LYN: variants seen among roughly 807,000 people sequenced by gnomAD.
The protein encoded by LYN is tyrosine-protein kinase Lyn.
Under a neutral mutation model 65.0 loss-of-function variants are expected in LYN, and 12 were observed. The observed-to-expected ratio is 0.18, with a 90% CI of 0.12 to 0.30. LYN has a LOEUF of 0.30. LYN is among the 10% of genes least tolerant of loss of function. LYN has a pLI of 1.00. For synonymous variants in LYN, 222 were observed against 221.2 expected (o/e 1.00, Z -0.03); for missense variants, 380 against 623.2 (o/e 0.61, Z 4.16).
chr8:55,881,851 C>T (rs1445587679), intron 1 of LYN, among the ~76,000 whole-genome samples: 1 of 152,134 alleles, frequency 6.6e-6, no homozygotes, highest in Non-Finnish European at 1.5e-5. Flanking sequence ...TCTGTCTTGT[C>T]CAAAATGATA....
At chr8:55,976,526 G>C (rs182232448) in intron 10 of LYN, among the ~76,000 whole-genome samples, 146 of 152,218 alleles carry the variant, frequency 9.6e-4, no homozygotes, top group African/African-American at 3.5e-3. Flanking sequence ...CAGGCACTGT[G>C]TCAGGAGGGA....
At chr8:55,966,173 CG>C (rs890584709) in intron 8 of LYN, among the ~76,000 whole-genome samples, 4 of 151,900 alleles carry the variant, frequency 2.6e-5, no homozygotes, top group East Asian at 1.9e-4. Context: ...CCAATAAAAA[CG>C]TTTTTTTGCT....
At chr8:55,923,373 C>T (rs1278649109) in intron 1 of LYN, among the ~76,000 whole-genome samples, 4 of 152,150 alleles carry the variant, frequency 2.6e-5, no homozygotes, top group Non-Finnish European at 4.4e-5. Flanking sequence ...TCAAGCTACA[C>T]CTGCTCTGTC....
chr8:55,897,867 C>T (rs955455705), intron 1 of LYN, among the ~76,000 whole-genome samples: 2 of 151,974 alleles, frequency 1.3e-5, no homozygotes, highest in Non-Finnish European at 2.9e-5. Flanking sequence ...GAGTCGAGAT[C>T]GCGCCACTGT....
intron 12 of LYN, among the ~76,000 whole-genome samples, chr8:56,003,055 G>GTTTTTTTT (rs1158928613): frequency 6.8e-6 from 1 of 147,388 alleles, no homozygotes; most frequent in African/African-American, 2.5e-5. Flanking sequence ...CTATGTTTTT[G>GTTTTTTTT]TTTTTTGTTT....
intron 1 of LYN, among the ~76,000 whole-genome samples, chr8:55,901,133 C>T (rs988909827): frequency 6.6e-5 from 10 of 152,152 alleles, no homozygotes; most frequent in Admixed American, 4.6e-4. Context: ...CCGTGTGTCT[C>T]ATATGATGTT....
At chr8:55,891,022 C>G (rs1404955073) in intron 1 of LYN, among the ~76,000 whole-genome samples, 1 of 151,628 alleles carries the variant, frequency 6.6e-6, no homozygotes, top group East Asian at 2.0e-4. Flanking sequence ...AACCACCGTG[C>G]CCAGCCATAC....
At chr8:55,910,974 G>T (rs1249417364) in intron 1 of LYN, among the ~76,000 whole-genome samples, 2 of 143,272 alleles carry the variant, frequency 1.4e-5, no homozygotes, top group Non-Finnish European at 3.0e-5. Context: ...TTGGCTCACT[G>T]CAACCTCCGC....
At chr8:55,900,040 C>T (rs973472640) in intron 1 of LYN, among the ~76,000 whole-genome samples, 1 of 152,146 alleles carries the variant, frequency 6.6e-6, no homozygotes, top group Non-Finnish European at 1.5e-5. Context: ...ATGTTTAGCT[C>T]AAGCTTAACT....
intron 12 of LYN, among the ~76,000 whole-genome samples, chr8:56,008,123 A>AAAAATAAAAT (rs1554519941): frequency 7.1e-5 from 10 of 140,780 alleles, no homozygotes; most frequent in Admixed American, 2.1e-4. Context: ...TGCCTCAAAA[A>AAAAATAAAAT]AAAAATAAAA....
Position 56,009,912 on chromosome 8 carries a change from A to C in LYN, c.1341A>C (p.Arg447Ser). 1 of 1,613,682 alleles carries C rather than the reference A, an allele frequency of 6.2e-7. No homozygotes were observed. Among genetic ancestry groups the C allele is most frequent in the Non-Finnish European group, 8.5e-7 (1 of 1,179,746 alleles). ...TTTTGTTTTTTTCCACCCTAGGGAG[A>C]ACTAATGCCGACGTGATGACCGCCC... ...VTYGKIPYPG[R>S]TNADVMTALS... Residue 447 changes from arginine (R) to serine (S), a missense_variant, in exon 13 of 13, where the codon AGA (arginine) becomes AGC (serine). By Grantham distance (110) the Arg-to-Ser change is moderately radical. This residue lies in a region of LYN where 223 missense variants were observed against 430.0 expected (regional missense o/e 0.52). Coordinates refer to ENST00000519728, the MANE Select transcript of LYN (RefSeq NM_002350.4).
intron 7 of LYN, 23 bp from the exon 8 acceptor site, chr8:55,953,809 T>G: frequency 6.2e-7 from 1 of 1,611,474 alleles, no homozygotes; most frequent in Non-Finnish European, 8.5e-7. Flanking sequence ...TTTCTTAACC[T>G]TCATTTTTCC....
At chr8:55,916,877 T>G (rs1313934837) in intron 1 of LYN, among the ~76,000 whole-genome samples, 2 of 152,142 alleles carry the variant, frequency 1.3e-5, no homozygotes, top group African/African-American at 4.8e-5. Flanking sequence ...TTTTTTTCTC[T>G]TTTTTAAAAA....
intron 8 of LYN, among the ~76,000 whole-genome samples, chr8:55,959,048 C>T (rs189700698): frequency 2.6e-5 from 4 of 152,292 alleles, no homozygotes; most frequent in African/African-American, 7.2e-5. Flanking sequence ...TTTTCTACTT[C>T]GGCTGCACCA....
intron 1 of LYN, among the ~76,000 whole-genome samples, chr8:55,883,886 T>C (rs1804715435): frequency 6.6e-6 from 1 of 152,160 alleles, no homozygotes; most frequent in East Asian, 1.9e-4. Context: ...TCAGAAATAC[T>C]GAAAGATTTC....
At chr8:55,907,092 A>G (rs1382044166) in intron 1 of LYN, among the ~76,000 whole-genome samples, 3 of 152,220 alleles carry the variant, frequency 2.0e-5, no homozygotes, top group African/African-American at 7.2e-5. Context: ...ATATTAATCC[A>G]AGAGAAAGAA....
intron 12 of LYN, 131 bp from the exon 13 acceptor site, chr8:56,009,777 C>T: frequency 1.4e-6 from 1 of 722,826 alleles, no homozygotes. Flanking sequence ...CAACCCCTAA[C>T]AGCCTCAGTA....
intron 2 of LYN, among the ~76,000 whole-genome samples, chr8:55,943,869 G>T (rs1468346047): frequency 2.0e-5 from 3 of 152,004 alleles, no homozygotes; most frequent in Admixed American, 2.0e-4. Context: ...CATCACCTGA[G>T]GTCAGGAGTT....
chr8:55,931,352 G>T (rs1585610973), intron 1 of LYN, among the ~76,000 whole-genome samples: 1 of 150,082 alleles, frequency 6.7e-6, no homozygotes, highest in South Asian at 2.1e-4. Context: ...TACATAATTT[G>T]TACACAATGG....
Sources: allele counts gnomAD v4.1 joint callset (sites outside exome capture counted in the v4.1 genomes callset), GRCh38; gene constraint gnomAD v4.1.1; regional missense constraint gnomAD v4.1.1; transcripts MANE v1.5; gene names NCBI Gene and HGNC (gene_info 2026-07-23, HGNC 2026-07-21).